Variants in RS1 observed in about 807,000 individuals in gnomAD.
RS1 encodes retinoschisin 1, also known as retinoschisin.
A neutral mutation model predicts 20.8 loss-of-function variants in RS1; 2 were observed. That is an observed-to-expected ratio of 0.10 (90% CI 0.04 to 0.30). The LOEUF is 0.30. Ranked by LOEUF, RS1 falls within the 10% of genes least tolerant of loss-of-function variation. The pLI is 1.00. For synonymous variants in RS1, 70 were observed against 75.8 expected, an observed-to-expected ratio of 0.92 and a Z score of 0.40; for missense variants, 151 against 189.8, an observed-to-expected ratio of 0.80 and a Z score of 1.20.
chrX:18,646,751 T>TG (rs1927789407), intron 4 of RS1, among the ~76,000 whole-genome samples: 2 of 111,017 alleles, frequency 1.8e-5, no homozygotes, highest in African/African-American at 6.6e-5. Context: ...GCACCTGCTG[T>TG]ACCCCACGCC....
rs926788154 is a variant in RS1 at position 18,641,059 on chromosome X, C to T, written c.*945G>A. On this transcript the variant is annotated 3_prime_UTR_variant, in exon 6 of 6. Coordinates refer to ENST00000379984, the MANE Select transcript of RS1 (RefSeq NM_000330.4). ...TTTATGATGTGAGTCCTTCCCACTT[C>T]CTGCGAAGCATGTAGCCAGCTAATG... is the stretch of plus-strand genomic sequence containing the variant. The T allele has an allele frequency of 8.9e-6, 1 of 112,680 alleles. No individual in the cohort carries two copies. Among genetic ancestry groups the T allele is most frequent in the African/African-American group, 3.2e-5 (1 of 31,010 alleles). The allele number at this position is 112,680 out of a possible 1,213,427, so 9.3% of individuals were successfully genotyped here. A position where few individuals can be genotyped will look rare whatever the true frequency, so the allele number is the denominator to read the frequency against.
At chrX:18,663,129 C>T (rs1187032229) in intron 1 of RS1, among the ~76,000 whole-genome samples, 1 of 104,793 alleles carries the variant, frequency 9.5e-6, no homozygotes, top group Non-Finnish European at 1.9e-5. Context: ...ACTTCGGCCT[C>T]CTGGGTTCAA....
At chrX:18,666,392 G>A (rs1366774996) in intron 1 of RS1, among the ~76,000 whole-genome samples, 1 of 111,397 alleles carries the variant, frequency 9.0e-6, no homozygotes, top group Non-Finnish European at 1.9e-5. Flanking sequence ...CATGTGCCAA[G>A]CCCTCGAGGT....
intron 1 of RS1, among the ~76,000 whole-genome samples, chrX:18,664,923 AC>A (rs1209288529): frequency 9.0e-6 from 1 of 111,012 alleles, no homozygotes; most frequent in Non-Finnish European, 1.9e-5. Flanking sequence ...ATGCTATGTT[AC>A]CCAGGCTGGT....
In RS1 at chrX:18,639,905, C is replaced by T. The variant is rs779055883; in HGVS notation, c.*2099G>A. On this transcript the variant is annotated 3_prime_UTR_variant, in exon 6 of 6. Coordinates refer to ENST00000379984, the MANE Select transcript of RS1 (RefSeq NM_000330.4). ...TATGCTAAGTGAAAGAAGCCAGTCACGAAATACCACATACTATATGATTTC... is the reference window on the plus strand; with the variant it reads ...TATGCTAAGTGAAAGAAGCCAGTCATGAAATACCACATACTATATGATTTC... 5.5e-4 allele frequency: 61 copies of T among 111,729 alleles called. No homozygotes were observed. Among genetic ancestry groups the T allele is most frequent in the African/African-American group, 1.7e-3 (53 of 30,778 alleles). The allele number at this position is 111,729 out of a possible 1,213,427, so 9.2% of individuals were successfully genotyped here. A position where few individuals can be genotyped will look rare whatever the true frequency, so the allele number is the denominator to read the frequency against.
intron 1 of RS1, among the ~76,000 whole-genome samples, chrX:18,668,329 G>C (rs1246075225): frequency 8.9e-6 from 1 of 112,001 alleles, no homozygotes; most frequent in East Asian, 2.8e-4. Context: ...TGTCACAGCA[G>C]GAAATTTCAA....
At chrX:18,669,023 G>A (rs778163013) in intron 1 of RS1, among the ~76,000 whole-genome samples, 8 of 111,967 alleles carry the variant, frequency 7.1e-5, no homozygotes, top group Non-Finnish European at 1.3e-4. Flanking sequence ...TGCAATCTCT[G>A]ATGGTAACAC....
At chrX:18,657,083 T>C (rs1852396425) in intron 2 of RS1, among the ~76,000 whole-genome samples, 1 of 110,495 alleles carries the variant, frequency 9.1e-6, no homozygotes, top group Non-Finnish European at 1.9e-5. Flanking sequence ...CCCCTGGAAG[T>C]TCCTATGGGG....
chrX:18,653,557 T>C, intron 3 of RS1: 1 of 1,209,210 alleles, frequency 8.3e-7, no homozygotes, highest in Non-Finnish European at 1.1e-6. Flanking sequence ...TCTGCAAGCC[T>C]GCGGCTGGTC....
intron 5 of RS1, among the ~76,000 whole-genome samples, chrX:18,642,798 G>GGGAGGC (rs1927631207): frequency 9.0e-6 from 1 of 110,608 alleles, no homozygotes; most frequent in Admixed American, 9.6e-5. Flanking sequence ...CCAGCACTTT[G>GGGAGGC]GGAGGCGGAG....
intron 1 of RS1, among the ~76,000 whole-genome samples, chrX:18,658,024 G>C (rs771170635): frequency 9.0e-6 from 1 of 110,736 alleles, no homozygotes; most frequent in Non-Finnish European, 1.9e-5. Context: ...ACAAAAATTA[G>C]CTGGGCATGG....
chrX:18,652,202 A>G (rs2238952), intron 3 of RS1, among the ~76,000 whole-genome samples: 31,299 of 110,355 alleles, frequency 0.28, 4,268 homozygotes, highest in African/African-American at 0.52. Flanking sequence ...AACACACACC[A>G]TCGCCCCATC....
At chrX:18,654,743 C>A (rs761565375) in intron 3 of RS1, among the ~76,000 whole-genome samples, 9 of 111,949 alleles carry the variant, frequency 8.0e-5, no homozygotes, top group African/African-American at 2.0e-4. Flanking sequence ...GGTTTCCTCA[C>A]GATTGGGACC....
At chrX:18,645,586 ATTC>A (rs1927738911) in intron 4 of RS1, among the ~76,000 whole-genome samples, 1 of 109,777 alleles carries the variant, frequency 9.1e-6, no homozygotes, top group Non-Finnish European at 1.9e-5. Context: ...AGTGCCTCAA[ATTC>A]TTCTACTTCT....
At chrX:18,665,477 G>C (rs1602323608) in intron 1 of RS1, among the ~76,000 whole-genome samples, 2 of 111,444 alleles carry the variant, frequency 1.8e-5, no homozygotes, top group African/African-American at 6.5e-5. Context: ...AGCCACAAAT[G>C]TGCCAGACTG....
chrX:18,647,548 G>A (rs1927837683), intron 3 of RS1: 2 of 427,906 alleles, frequency 4.7e-6, no homozygotes, highest in Admixed American at 7.5e-5. Context: ...TTGCCATAGA[G>A]ACTCAACAGC....
rs149218264 is a variant in RS1 at position 18,648,064 on chromosome X, C to T, written c.185-732G>A. 8.5e-3 allele frequency among the ~76,000 whole-genome samples: 944 copies of T among 110,727 alleles called. 10 individuals carry two copies. The highest frequency in any genetic ancestry group is 0.028 in the African/African-American group (857 of 30,441). On this transcript the variant is annotated intron_variant, in intron 3 of 5. Coordinates refer to ENST00000379984, the MANE Select transcript of RS1 (RefSeq NM_000330.4). ...GTAAAAACGGTGTTGAGGCTGGGCA[C>T]GGTGACTCATGCCTGTAATCCCAGC...
At chrX:18,670,637 G>A (rs764202147) in intron 1 of RS1, among the ~76,000 whole-genome samples, 1 of 111,597 alleles carries the variant, frequency 9.0e-6, no homozygotes, top group African/African-American at 3.3e-5. Context: ...AGAGAAATCC[G>A]AGAGTGAGCC....
chrX:18,642,745 G>C (rs1239924783), intron 5 of RS1, among the ~76,000 whole-genome samples: 1 of 112,202 alleles, frequency 8.9e-6, no homozygotes, highest in Admixed American at 9.4e-5. Flanking sequence ...TTTTTAAAAA[G>C]ACATAAAAAC....
Sources: gnomAD v4.1 joint callset for allele counts (sites outside exome capture counted in the v4.1 genomes callset) on GRCh38, gnomAD v4.1.1 for gene constraint, MANE v1.5 for transcripts, NCBI Gene and HGNC (gene_info 2026-07-23, HGNC 2026-07-21) for gene names.